DIAPH3: variants seen among roughly 807,000 people sequenced by gnomAD.
DIAPH3 encodes protein diaphanous homolog 3.
In DIAPH3, 117 loss-of-function variants were observed where a neutral mutation model predicts 144.3. That is an observed-to-expected ratio of 0.81 (90% CI 0.70 to 0.95). DIAPH3 has a LOEUF of 0.95. Ranked by LOEUF, DIAPH3 falls within the 40% of genes least tolerant of loss-of-function variation. DIAPH3 has a pLI of 0.00. For missense variants in DIAPH3, 1,421 were observed against 1,412.7 expected (o/e 1.01, Z -0.09); for synonymous variants, 519 against 488.9 (o/e 1.06, Z -0.81).
rs1422505893 is a variant in DIAPH3 at position 60,023,792 on chromosome 13, G to A, written c.627-7647C>T. On this transcript the variant is annotated intron_variant, in intron 5 of 27. Coordinates refer to ENST00000400324, the MANE Select transcript of DIAPH3 (RefSeq NM_001042517.2). ...GTGTGAATTTCTTTGAGTTTATCCT[G>A]TTTGTGATTCAGTTTAGGTAGGTTT... Among the ~76,000 whole-genome samples the A allele has an allele frequency of 3.6e-5, 5 of 137,760 alleles. No individual in the cohort carries two copies. In the Admixed American group the frequency reaches 3.7e-4, roughly 10 times the overall value. The allele number at this position is 137,760 out of a possible 152,430, so 90.4% of individuals were successfully genotyped here.
At position 59,848,273 on chromosome 13, in the gene DIAPH3, T is replaced by C. The variant is rs150928834; in HGVS notation, c.2738-8825A>G. On this transcript the variant is annotated intron_variant, in intron 22 of 27. Transcript: ENST00000400324. ...TTTTGCTCAAAACCTTCCGTGGCTT[T>C]TGAGTGGCTCCTCATCTCAGAGTAA... 2.2e-3 allele frequency among the ~76,000 whole-genome samples: 334 copies of C among 152,110 alleles called. 1 individual carries two copies. Among genetic ancestry groups the C allele is most frequent in the Middle Eastern group, 0.01 (3 of 294 alleles).
intron 17 of DIAPH3, among the ~76,000 whole-genome samples, chr13:59,933,546 C>T (rs1334342884): frequency 6.6e-6 from 1 of 152,148 alleles, no homozygotes; most frequent in East Asian, 1.9e-4. Context: ...TAACATGAAA[C>T]TCTGAATCAT....
chr13:60,140,293 A>G (rs1220729426), intron 1 of DIAPH3, among the ~76,000 whole-genome samples: 1 of 152,242 alleles, frequency 6.6e-6, no homozygotes, highest in Non-Finnish European at 1.5e-5. Flanking sequence ...AACAAATCCC[A>G]TGTTCACACT....
At chr13:59,859,127 T>C (rs1421159208) in intron 22 of DIAPH3, among the ~76,000 whole-genome samples, 1 of 152,102 alleles carries the variant, frequency 6.6e-6, no homozygotes, top group Non-Finnish European at 1.5e-5. Flanking sequence ...CAAATCTCAT[T>C]AATAAAGTAA....
chr13:60,114,637 CAAAA>C (rs1566788117), intron 2 of DIAPH3, among the ~76,000 whole-genome samples: 1 of 108,472 alleles, frequency 9.2e-6, no homozygotes, highest in Non-Finnish European at 1.8e-5. Flanking sequence ...AAAAAGAATA[CAAAA>C]GACACACACA....
intron 1 of DIAPH3, among the ~76,000 whole-genome samples, chr13:60,152,752 AAG>A (rs1951851409): frequency 6.6e-6 from 1 of 151,936 alleles, no homozygotes. Context: ...TAAAGATTGC[AAG>A]TTTCTTATTT....
At chr13:59,982,805 G>A (rs1163196052) in intron 13 of DIAPH3, among the ~76,000 whole-genome samples, 1 of 151,554 alleles carries the variant, frequency 6.6e-6, no homozygotes, top group Non-Finnish European at 1.5e-5. Flanking sequence ...CTGGTCATAT[G>A]GAAAGAATGG....
chr13:59,943,177 A>G (rs1381112074), intron 17 of DIAPH3, among the ~76,000 whole-genome samples: 11 of 152,126 alleles, frequency 7.2e-5, no homozygotes, highest in Admixed American at 7.2e-4. Context: ...AAAAAAGTTT[A>G]TTTTGGCAGT....
intron 24 of DIAPH3, among the ~76,000 whole-genome samples, chr13:59,828,666 G>A (rs1394860292): frequency 6.6e-6 from 1 of 151,344 alleles, no homozygotes; most frequent in African/African-American, 2.4e-5. Flanking sequence ...GACGAGGTGG[G>A]ACACTCCATG....
rs2141198029 is a variant in DIAPH3, at chr13:60,042,791, T to A, written c.525A>T (p.Ser175=). 1 of 1,613,642 alleles carries A rather than the reference T, an allele frequency of 6.2e-7. No homozygotes were observed. Among genetic ancestry groups the A allele is most frequent in the Non-Finnish European group, 8.5e-7 (1 of 1,179,694 alleles). ...TCAGCTCATGAATGAATTCCTGAGGTGAGATCTGTCGGCTTCTCTTAAGAC... is the reference window on the plus strand; with the variant it reads ...TCAGCTCATGAATGAATTCCTGAGGAGAGATCTGTCGGCTTCTCTTAAGAC... ...TGSLKRSRQI[S]PQEFIHELKM... The change falls in exon 5 of 28, where the codon TCA becomes TCT. Residue 175 remains serine (S), a synonymous_variant. Transcript: ENST00000400324.
intron 21 of DIAPH3, among the ~76,000 whole-genome samples, chr13:59,874,733 A>G (rs1295391945): frequency 6.6e-6 from 1 of 152,220 alleles, no homozygotes; most frequent in Admixed American, 6.5e-5. Flanking sequence ...CAGCATAAAT[A>G]CCAATAAAAA....
intron 25 of DIAPH3, among the ~76,000 whole-genome samples, chr13:59,809,749 C>T (rs2040376887): frequency 6.6e-6 from 1 of 152,086 alleles, no homozygotes; most frequent in Admixed American, 6.6e-5. Flanking sequence ...TTAAGGTACT[C>T]GTTTCGCTTT....
chr13:59,989,382 AT>A (rs67538269), intron 12 of DIAPH3, among the ~76,000 whole-genome samples: 10,867 of 151,808 alleles, frequency 0.072, 429 homozygotes, highest in Admixed American at 0.11. Context: ...ATTTTTAAGA[AT>A]TTTTTTAAGA....
intron 24 of DIAPH3, among the ~76,000 whole-genome samples, chr13:59,829,424 G>C (rs973864774): frequency 2.6e-5 from 4 of 151,868 alleles, no homozygotes; most frequent in Non-Finnish European, 4.4e-5. Flanking sequence ...AGACAGCCTG[G>C]AAAGAATCTT....
chr13:59,827,760 A>G lies in DIAPH3; in HGVS notation c.3027+5347T>C, dbSNP rs146835159. On this transcript the variant is annotated intron_variant, in intron 24 of 27. Coordinates refer to ENST00000400324, the MANE Select transcript of DIAPH3 (RefSeq NM_001042517.2). ...AGCAATTAGATCAAAATCCTCTAAT[A>G]TGAATGGAAAGTGGGAACCGTACAT... Among the ~76,000 whole-genome samples the G allele has an allele frequency of 1.8e-4, 28 of 152,120 alleles. No homozygotes were observed. The East Asian group carries it at 4.8e-3, about 26-fold the overall frequency.
At chr13:59,872,855 C>T (rs2044363390) in intron 21 of DIAPH3, among the ~76,000 whole-genome samples, 1 of 152,144 alleles carries the variant, frequency 6.6e-6, no homozygotes, top group Non-Finnish European at 1.5e-5. Flanking sequence ...AGAAGCTATG[C>T]TTGCTATGAG....
In DIAPH3 at chr13:59,976,609, C is replaced by T. The variant is rs181590366; in HGVS notation, c.1546-2153G>A. Among the ~76,000 whole-genome samples, 239 of 151,872 alleles carry T rather than the reference C, an allele frequency of 1.6e-3. 2 individuals carry two copies. The highest frequency in any genetic ancestry group is 7.9e-3 in the South Asian group (38 of 4,818). The stretch of plus-strand genomic sequence containing the variant: ...CATTACAACACACACTTCTGGTTCT[C>T]CTGCTACTCCTTGAGTGCTCCTACC... On this transcript the variant is annotated intron_variant, in intron 14 of 27. Coordinates refer to ENST00000400324, the MANE Select transcript of DIAPH3 (RefSeq NM_001042517.2).
intron 3 of DIAPH3, among the ~76,000 whole-genome samples, chr13:60,096,381 C>T (rs1282153249): frequency 6.6e-6 from 1 of 152,072 alleles, no homozygotes; most frequent in African/African-American, 2.4e-5. Flanking sequence ...TTTAAAAAGG[C>T]CTCTGCTTTC....
At chr13:59,791,433 T>G (rs1304771519) in intron 25 of DIAPH3, among the ~76,000 whole-genome samples, 1 of 152,212 alleles carries the variant, frequency 6.6e-6, no homozygotes, top group Admixed American at 6.5e-5. Context: ...CTCACTCCCC[T>G]CTTTCAAAGT....
Sources: gnomAD v4.1 joint callset for allele counts (sites outside exome capture counted in the v4.1 genomes callset) on GRCh38, gnomAD v4.1.1 for gene constraint, MANE v1.5 for transcripts, NCBI Gene and HGNC (gene_info 2026-07-23, HGNC 2026-07-21) for gene names.